The following CLEC4A variants were observed in gnomAD, a reference collection of about 807,000 sequenced individuals.
CLEC4A encodes C-type lectin domain family 4 member A, also known as C-type (calcium dependent, carbohydrate-recognition domain) lectin, superfamily member 6.
CLEC4A carries 27 observed loss-of-function variants against 32.7 expected under a neutral mutation model. That is an observed-to-expected ratio of 0.83 (90% CI 0.61 to 1.14). The LOEUF is 1.14. Ranked by LOEUF, CLEC4A falls within the 50% of genes most tolerant of loss-of-function variation. The probability of loss-of-function intolerance (pLI) is 0.00; values close to 1 mark genes in which losing one functional copy is unlikely to be tolerated. For synonymous variants in CLEC4A, 89 were observed against 93.7 expected (o/e 0.95, Z 0.29); for missense variants, 253 against 274.6 (o/e 0.92, Z 0.55).
the CLEC4A span, among the ~76,000 whole-genome samples, chr12:8,106,716 A>G: frequency 6.6e-6 from 1 of 152,118 alleles, no homozygotes; most frequent in Non-Finnish European, 1.5e-5. Flanking sequence ...GGATTTTTGT[A>G]CACTGATTTT....
intron 3 of CLEC4A, among the ~76,000 whole-genome samples, chr12:8,130,615 C>T (rs758383203): frequency 6.6e-6 from 1 of 152,136 alleles, no homozygotes; most frequent in Non-Finnish European, 1.5e-5. Context: ...TTCCTGGCTT[C>T]AAGCAATCCT....
At chr12:8,115,348 C>T in the CLEC4A span, among the ~76,000 whole-genome samples, 1 of 152,144 alleles carries the variant, frequency 6.6e-6, no homozygotes, top group Admixed American at 6.5e-5. Flanking sequence ...AATTTTTGGG[C>T]CCCATTCTCA....
chr12:8,122,457 G>A (rs1398672476), upstream of CLEC4A, among the ~76,000 whole-genome samples: 7 of 151,096 alleles, frequency 4.6e-5, no homozygotes, highest in African/African-American at 1.7e-4. Context: ...GATGTTTGTT[G>A]GGGGATGTTC....
At chr12:8,106,867 C>A in the CLEC4A span, among the ~76,000 whole-genome samples, 1 of 152,072 alleles carries the variant, frequency 6.6e-6, no homozygotes, top group Non-Finnish European at 1.5e-5. Context: ...CCTTTTATTT[C>A]TTTCTCTCGC....
At chr12:8,117,679 A>G in the CLEC4A span, among the ~76,000 whole-genome samples, 1 of 152,122 alleles carries the variant, frequency 6.6e-6, no homozygotes, top group Non-Finnish European at 1.5e-5. Flanking sequence ...CTCTTTTCTC[A>G]GCTTCAACCA....
the CLEC4A span, among the ~76,000 whole-genome samples, chr12:8,111,601 GA>G: frequency 2.3e-4 from 35 of 152,130 alleles, no homozygotes; most frequent in African/African-American, 8.5e-4. Context: ...ATAATGTTCT[GA>G]AGTTCTTTCT....
In CLEC4A at chr12:8,123,938, C is replaced by A; in HGVS notation, c.60C>A (p.Gly20=). The change falls in exon 1 of 6, where the codon GGC becomes GGA. Residue 20 remains glycine (G), a synonymous_variant. Coordinates refer to ENST00000229332, the MANE Select transcript of CLEC4A (RefSeq NM_016184.4). The part of the protein sequence containing the change: ...VRFKNEFKSS[G]INTASSAASK... ...TCAAAAATGAATTCAAGTCCTCAGG[C>A]ATCAACACAGCCTCTTCTGCAGGTA... 1 of 1,610,992 alleles carries A rather than the reference C, an allele frequency of 6.2e-7. No homozygotes were observed. Among genetic ancestry groups the A allele is most frequent in the Non-Finnish European group, 8.5e-7 (1 of 1,177,146 alleles).
At chr12:8,109,080 A>G in the CLEC4A span, among the ~76,000 whole-genome samples, 1 of 152,056 alleles carries the variant, frequency 6.6e-6, no homozygotes, top group African/African-American at 2.4e-5. Context: ...TTTGTTTTTT[A>G]TTTTTTATTT....
At chr12:8,105,412 C>T in the CLEC4A span, among the ~76,000 whole-genome samples, 8 of 151,378 alleles carry the variant, frequency 5.3e-5, no homozygotes, top group East Asian at 1.9e-4. Context: ...TGCAATGGCA[C>T]GATCTCGGCT....
At chr12:8,111,532 G>A in the CLEC4A span, among the ~76,000 whole-genome samples, 1 of 152,082 alleles carries the variant, frequency 6.6e-6, no homozygotes. Flanking sequence ...CCTATGCAAA[G>A]ATCCTTTAAT....
chr12:8,108,218 G>A, the CLEC4A span, among the ~76,000 whole-genome samples: 1 of 151,962 alleles, frequency 6.6e-6, no homozygotes, highest in African/African-American at 2.4e-5. Flanking sequence ...TCTCATTTTT[G>A]TGCTTCAGAG....
At chr12:8,134,250 G>T in intron 3 of CLEC4A, 1 of 1,612,328 alleles carries the variant, frequency 6.2e-7, no homozygotes, top group Non-Finnish European at 8.5e-7. Context: ...TGCAGCAAGG[G>T]CCGCAGCTCA....
At chr12:8,136,291 A>G (rs1350177558) in intron 4 of CLEC4A, among the ~76,000 whole-genome samples, 5 of 152,224 alleles carry the variant, frequency 3.3e-5, no homozygotes, top group Non-Finnish European at 7.3e-5. Flanking sequence ...CTGGCTGGGC[A>G]TGCTAGCTCA....
chr12:8,134,975 T>TTTTTTTTTTTTGTTTG lies in CLEC4A; in HGVS notation c.299-607_299-606insTTTTTTTTGTTTGTTT, dbSNP rs1252899557. ...TGTCTGTATCTTCTTGTTGAAGCGT[T>TTTTTTTTTTTTGTTTG]TTTGTTTTTTGTTTTTTTTTAATCA... On this transcript the variant is annotated intron_variant, in intron 3 of 5. Transcript: ENST00000229332. The TTTTTTTTTTTTGTTTG allele has an allele frequency of 1.5e-3, 472 of 304,544 alleles. 35 individuals carry two copies. The highest frequency in any genetic ancestry group is 0.011 in the African/African-American group (410 of 36,136). 18.9% of individuals were successfully genotyped at this position (304,544 alleles called of 1,614,324 possible).
In CLEC4A at chr12:8,129,788, C is replaced by CA. The variant is rs780146678; in HGVS notation, c.298+433dup. On this transcript the variant is annotated intron_variant, in intron 3 of 5. Coordinates refer to ENST00000229332, the MANE Select transcript of CLEC4A (RefSeq NM_016184.4). ...CTGGCGACGGAGCAAGATTCCGCCT[C>CA]AAAAAAACCCAAAAGACAAAAAAAC... Among the ~76,000 whole-genome samples, 10 of 152,174 alleles carry CA rather than the reference C, an allele frequency of 6.6e-5. No homozygotes were observed. The East Asian group carries it at 1.9e-3, about 29-fold the overall frequency.
At chr12:8,111,058 A>G in the CLEC4A span, among the ~76,000 whole-genome samples, 1 of 150,632 alleles carries the variant, frequency 6.6e-6, no homozygotes, top group Non-Finnish European at 1.5e-5. Flanking sequence ...TATTTTTAGT[A>G]TAGATGGGGT....
chr12:8,120,540 C>A (rs1161827693), upstream of CLEC4A, among the ~76,000 whole-genome samples: 3 of 152,214 alleles, frequency 2.0e-5, no homozygotes, highest in Non-Finnish European at 2.9e-5. Context: ...AGTGAAGGCA[C>A]ACTGTCAGCC....
intron 3 of CLEC4A, among the ~76,000 whole-genome samples, chr12:8,131,186 A>C (rs971422000): frequency 1.3e-5 from 2 of 152,184 alleles, no homozygotes; most frequent in Admixed American, 6.5e-5. Context: ...ATGATTCTTG[A>C]CTATTGATGT....
At chr12:8,118,226 T>A in the CLEC4A span, among the ~76,000 whole-genome samples, 1 of 152,198 alleles carries the variant, frequency 6.6e-6, no homozygotes, top group African/African-American at 2.4e-5. Context: ...GAGGGATGAT[T>A]TCTGGTCTTG....
Sources: gnomAD v4.1 joint callset for allele counts (sites outside exome capture counted in the v4.1 genomes callset) on GRCh38, gnomAD v4.1.1 for gene constraint, MANE v1.5 for transcripts, NCBI Gene and HGNC (gene_info 2026-07-23, HGNC 2026-07-21) for gene names.